The following STK38L variants were observed in gnomAD, a reference collection of about 807,000 sequenced individuals.
The protein encoded by STK38L is serine/threonine kinase 38 like, also known as serine/threonine-protein kinase 38-like.
Under a neutral mutation model 59.7 loss-of-function variants are expected in STK38L, and 28 were observed. That is an observed-to-expected ratio of 0.47 (90% CI 0.35 to 0.64). STK38L has a LOEUF of 0.64. Among genes scored for constraint, STK38L ranks in the 30% least tolerant of loss-of-function variants. The probability of loss-of-function intolerance (pLI) is 0.01; values close to 1 mark genes in which losing one functional copy is unlikely to be tolerated. For synonymous variants in STK38L, 162 were observed against 176.8 expected, an observed-to-expected ratio of 0.92 and a Z score of 0.66; for missense variants, 314 against 555.8, an observed-to-expected ratio of 0.56 and a Z score of 4.37.
At chr12:27,268,190 A>G (rs980637419) in intron 1 of STK38L, among the ~76,000 whole-genome samples, 26 of 150,464 alleles carry the variant, frequency 1.7e-4, no homozygotes, top group African/African-American at 6.5e-4. Flanking sequence ...ATATGTATAC[A>G]TGTGCCATGT....
intron 1 of STK38L, among the ~76,000 whole-genome samples, chr12:27,252,879 G>A (rs1483814704): frequency 6.6e-6 from 1 of 152,136 alleles, no homozygotes; most frequent in South Asian, 2.1e-4. Context: ...ACTGTGTTAG[G>A]TACCATGGCA....
chr12:27,324,228 T>TAAA lies in STK38L; in HGVS notation c.*1774_*1775insAAA, dbSNP rs1373143935. 2.1e-5 allele frequency: 2 copies of TAAA among 97,532 alleles called. No homozygotes were observed. The highest frequency in any genetic ancestry group is 8.6e-5 in the African/African-American group (2 of 23,128). 6.0% of individuals were successfully genotyped at this position (97,532 alleles called of 1,614,324 possible). On this transcript the variant is annotated 3_prime_UTR_variant, in exon 14 of 14. Transcript: ENST00000389032. The stretch of plus-strand genomic sequence containing the variant: ...TTCTAGTCTGGATTTTTTGAGTATT[T>TAAA]AGGAAAGAGAGCTATTAAAAACTGG...
intron 1 of STK38L, among the ~76,000 whole-genome samples, chr12:27,269,876 C>T (rs1943383114): frequency 6.6e-6 from 1 of 152,196 alleles, no homozygotes; most frequent in South Asian, 2.1e-4. Flanking sequence ...ATCCTGACCT[C>T]AGGTTATCCG....
At chr12:27,273,100 A>G (rs1943459384) in intron 1 of STK38L, among the ~76,000 whole-genome samples, 1 of 151,700 alleles carries the variant, frequency 6.6e-6, no homozygotes, top group Non-Finnish European at 1.5e-5. Flanking sequence ...ATGTTGACAA[A>G]GCCAGTTTGT....
rs1313516928 is a variant in STK38L at position 27,308,971 on chromosome 12, GATATAAAAAT to G, written c.310-137_310-128del. 1 of 151,248 alleles carries G rather than the reference GATATAAAAAT, an allele frequency of 6.6e-6. No homozygotes were observed. Among genetic ancestry groups the G allele is most frequent in the Non-Finnish European group, 1.4e-5 (1 of 72,634 alleles). The allele number at this position is 151,248 out of a possible 1,614,324, so 9.4% of individuals were successfully genotyped here. On this transcript the variant is annotated intron_variant, in intron 4 of 13. Transcript: ENST00000389032. The surrounding 1 kb of genome is among the most constrained non-coding windows in gnomAD (Gnocchi z 4.5). ...TATATAACATATATAAAAATATATA[GATATAAAAAT>G]ATATAGATATATATATATAAAATTC...
At chr12:27,296,686 G>A (rs933670423) in intron 1 of STK38L, among the ~76,000 whole-genome samples, 19 of 152,164 alleles carry the variant, frequency 1.2e-4, no homozygotes, top group African/African-American at 3.6e-4. Context: ...GGTCTGTTAC[G>A]ATCTTCATCT....
intron 1 of STK38L, among the ~76,000 whole-genome samples, chr12:27,249,252 A>G (rs1942921450): frequency 6.6e-6 from 1 of 152,212 alleles, no homozygotes; most frequent in Non-Finnish European, 1.5e-5. Context: ...ATTCACAGTC[A>G]TATTGTATAA....
intron 1 of STK38L, among the ~76,000 whole-genome samples, chr12:27,261,456 T>TA (rs1943202573): frequency 6.6e-6 from 1 of 152,194 alleles, no homozygotes; most frequent in Admixed American, 6.5e-5. Context: ...TGGGCATGGG[T>TA]TTCCACAGAC....
At chr12:27,265,216 T>C (rs1455323666) in intron 1 of STK38L, among the ~76,000 whole-genome samples, 1 of 152,222 alleles carries the variant, frequency 6.6e-6, no homozygotes, top group Non-Finnish European at 1.5e-5. Context: ...ACTAAAGATA[T>C]GGCTTTCCTT....
chr12:27,295,464 C>CT (rs1209086446), intron 1 of STK38L, among the ~76,000 whole-genome samples: 1 of 152,182 alleles, frequency 6.6e-6, no homozygotes, highest in Non-Finnish European at 1.5e-5. Context: ...TCTGTAATTT[C>CT]TTTTTCCACA....
intron 1 of STK38L, among the ~76,000 whole-genome samples, chr12:27,262,472 T>C (rs1446870517): frequency 1.3e-5 from 2 of 152,172 alleles, no homozygotes; most frequent in East Asian, 3.8e-4. Context: ...CGTAAAACAT[T>C]ACATTTTCCA....
chr12:27,319,573 G>A (rs1944673702), intron 12 of STK38L, 150 bp downstream of exon 12: 1 of 534,220 alleles, frequency 1.9e-6, no homozygotes, highest in East Asian at 2.9e-5. Context: ...GTAAGTGAGT[G>A]GGACTATTGT....
chr12:27,318,920 G>A (rs555595575), intron 11 of STK38L, among the ~76,000 whole-genome samples: 1 of 152,336 alleles, frequency 6.6e-6, no homozygotes, highest in East Asian at 1.9e-4. Flanking sequence ...GAACCCGGGA[G>A]GTGGAGCTTG....
chr12:27,313,473 C>G (rs1304564127), intron 6 of STK38L, among the ~76,000 whole-genome samples: 1 of 151,962 alleles, frequency 6.6e-6, no homozygotes, highest in Non-Finnish European at 1.5e-5. Flanking sequence ...CCTCTGCCTC[C>G]CGGGTTCAAG....
At chr12:27,312,507 G>C (rs772679618) in intron 5 of STK38L, 42 bp from the exon 6 acceptor site, 1 of 1,602,278 alleles carries the variant, frequency 6.2e-7, no homozygotes. Flanking sequence ...ACAAATGTGT[G>C]ATGTATTTAC....
At chr12:27,300,183 G>A (rs994403696) in intron 2 of STK38L, among the ~76,000 whole-genome samples, 6 of 152,010 alleles carry the variant, frequency 3.9e-5, no homozygotes, top group African/African-American at 7.2e-5. Context: ...ATGTCAAGTC[G>A]AACAATCTGC....
At chr12:27,260,558 G>C (rs1943184471) in intron 1 of STK38L, among the ~76,000 whole-genome samples, 1 of 152,048 alleles carries the variant, frequency 6.6e-6, no homozygotes, top group Non-Finnish European at 1.5e-5. Context: ...CACTCTCTCT[G>C]TGCCGTACTG....
chr12:27,314,278 G>C (rs1222490259), intron 6 of STK38L, among the ~76,000 whole-genome samples: 3 of 151,840 alleles, frequency 2.0e-5, no homozygotes, highest in African/African-American at 7.2e-5. Context: ...GTGCACACCT[G>C]TAATCTCAGC....
intron 3 of STK38L, among the ~76,000 whole-genome samples, chr12:27,305,963 A>G (rs570210669): frequency 6.6e-6 from 1 of 152,370 alleles, no homozygotes; most frequent in East Asian, 1.9e-4. Context: ...AGATATATCA[A>G]CAGGCTTTTT....
Sources: allele counts gnomAD v4.1 joint callset (sites outside exome capture counted in the v4.1 genomes callset), GRCh38; gene constraint gnomAD v4.1.1; non-coding constraint Gnocchi (gnomAD v3.1); transcripts MANE v1.5; gene names NCBI Gene and HGNC (gene_info 2026-07-23, HGNC 2026-07-21).